Variants in KAT7 observed in about 807,000 individuals in gnomAD.
The protein encoded by KAT7 is lysine acetyltransferase 7, also known as histone acetyltransferase KAT7.
In KAT7, 10 loss-of-function variants were observed where a neutral mutation model predicts 82.1. The ratio of observed to expected loss-of-function variants is 0.12; its 90% CI spans 0.08 to 0.21. The LOEUF (loss-of-function observed/expected upper bound fraction) is 0.21, where lower values mean the gene tolerates loss of function less well. Ranked by LOEUF, KAT7 falls within the 10% of genes least tolerant of loss-of-function variation. The probability of loss-of-function intolerance (pLI) is 1.00; values close to 1 mark genes in which losing one functional copy is unlikely to be tolerated. For missense variants in KAT7, 378 were observed against 760.9 expected, an observed-to-expected ratio of 0.50 and a Z score of 5.92; for synonymous variants, 250 against 262.5, an observed-to-expected ratio of 0.95 and a Z score of 0.46.
chr17:49,826,697 C>A lies in KAT7; in HGVS notation c.1632C>A (p.Ile544=). The change falls in exon 14 of 15, where the codon ATC becomes ATA. Residue 544 remains isoleucine (I), a synonymous_variant. Transcript: ENST00000259021. ...FQGKEISIKE[I]SQETAVNPVD... is the part of the protein sequence containing the mutation. ...TCAGTACTTCTTCTGTTTCAGAAAT[C>A]AGTCAGGAGACGGCTGTGAATCCTG... 1 of 1,609,408 alleles carries A rather than the reference C, an allele frequency of 6.2e-7. No individual in the cohort carries two copies. The highest frequency in any genetic ancestry group is 1.1e-5 in the South Asian group (1 of 90,906).
At chr17:49,826,244 G>A in intron 13 of KAT7, 98 bp downstream of exon 13, 1 of 1,231,458 alleles carries the variant, frequency 8.1e-7, no homozygotes, top group Non-Finnish European at 1.2e-6. Context: ...AAGGCCCACT[G>A]AATATGGACC....
At position 49,829,970 on chromosome 17, in the gene KAT7, C is replaced by CG. The variant is rs2074409709; in HGVS notation, c.*2471dup. 11 of 151,748 alleles carry CG rather than the reference C, an allele frequency of 7.2e-5. No individual in the cohort carries two copies. The highest frequency in any genetic ancestry group is 6.6e-4 in the Admixed American group (10 of 15,222). 9.4% of individuals were successfully genotyped at this position (151,748 alleles called of 1,614,324 possible). The stretch of plus-strand genomic sequence containing the variant: ...GTTTTGGCTCACAACCTCTGCCTCC[C>CG]GGGTTCAAGTGATTCTTCTGTCTCA... On this transcript the variant is annotated 3_prime_UTR_variant, in exon 15 of 15. Coordinates refer to ENST00000259021, the MANE Select transcript of KAT7 (RefSeq NM_007067.5).
chr17:49,814,333 C>T (rs1214887431), intron 7 of KAT7, among the ~76,000 whole-genome samples: 1 of 152,162 alleles, frequency 6.6e-6, no homozygotes, highest in East Asian at 1.9e-4. Flanking sequence ...ACAGTGAGGG[C>T]TTTAGTAGTG....
chr17:49,831,348 A>G lies in KAT7; in HGVS notation c.*3846A>G, dbSNP rs2074423416. On this transcript the variant is annotated 3_prime_UTR_variant, in exon 15 of 15. Coordinates refer to ENST00000259021, the MANE Select transcript of KAT7 (RefSeq NM_007067.5). Reference sequence around the variant, plus strand: ...CAAGTTTAGGGGGCTACAGAGCTAAACCAGGAAGCAAAAGATGTGCCTCAT... The same window carrying G: ...CAAGTTTAGGGGGCTACAGAGCTAAGCCAGGAAGCAAAAGATGTGCCTCAT... The G allele has an allele frequency of 6.6e-6, 1 of 152,220 alleles. No individual in the cohort carries two copies. Among genetic ancestry groups the G allele is most frequent in the Non-Finnish European group, 1.5e-5 (1 of 68,050 alleles). The allele number at this position is 152,220 out of a possible 1,614,324, so 9.4% of individuals were successfully genotyped here. A position where few individuals can be genotyped will look rare whatever the true frequency, so the allele number is the denominator to read the frequency against.
rs1190636655 is a variant in KAT7 at position 49,828,660 on chromosome 17, C to A, written c.*1158C>A. 1 of 152,668 alleles carries A rather than the reference C, an allele frequency of 6.6e-6. No individual in the cohort carries two copies. The highest frequency in any genetic ancestry group is 1.5e-5 in the Non-Finnish European group (1 of 68,052). The allele number at this position is 152,668 out of a possible 1,614,324, so 9.5% of individuals were successfully genotyped here. Reference sequence around the variant, plus strand: ...TGGGATTTGTCACCATCCTTCTATTCTCTGGTCTTCTATTTTTGGTGTTGT... The same window carrying A: ...TGGGATTTGTCACCATCCTTCTATTATCTGGTCTTCTATTTTTGGTGTTGT... On this transcript the variant is annotated 3_prime_UTR_variant, in exon 15 of 15. Coordinates refer to ENST00000259021, the MANE Select transcript of KAT7 (RefSeq NM_007067.5).
chr17:49,814,393 C>G (rs1217900216), intron 7 of KAT7, among the ~76,000 whole-genome samples: 2 of 152,140 alleles, frequency 1.3e-5, no homozygotes, highest in Non-Finnish European at 2.9e-5. Context: ...TTCACTGTTT[C>G]CATCTGCAAA....
At chr17:49,791,793 T>G in intron 1 of KAT7, 93 bp from the exon 2 acceptor site, 2 of 1,288,252 alleles carry the variant, frequency 1.6e-6, no homozygotes, top group South Asian at 1.3e-5. Context: ...GAACTTGGGG[T>G]TTTCAGTGTC....
At chr17:49,813,687 C>A (rs989573304) in intron 7 of KAT7, among the ~76,000 whole-genome samples, 1 of 152,164 alleles carries the variant, frequency 6.6e-6, no homozygotes, top group Non-Finnish European at 1.5e-5. Context: ...ATGGCATTGA[C>A]ATCACATTAT....
chr17:49,801,053 G>A (rs2074018312), intron 4 of KAT7, among the ~76,000 whole-genome samples: 1 of 152,204 alleles, frequency 6.6e-6, no homozygotes, highest in African/African-American at 2.4e-5. Flanking sequence ...AGAATGACCA[G>A]AACGGAGAGG....
intron 4 of KAT7, 81 bp from the exon 5 acceptor site, chr17:49,805,282 A>G (rs2074077336): frequency 3.2e-6 from 3 of 947,380 alleles, no homozygotes; most frequent in Non-Finnish European, 5.1e-6. Context: ...ATGTAGCAAA[A>G]AAACAGGTTT....
At chr17:49,800,674 T>A (rs1269906981) in intron 4 of KAT7, among the ~76,000 whole-genome samples, 1 of 152,160 alleles carries the variant, frequency 6.6e-6, no homozygotes, top group East Asian at 1.9e-4. Flanking sequence ...AGATACTGTT[T>A]TAAGTTATGA....
intron 7 of KAT7, among the ~76,000 whole-genome samples, chr17:49,814,150 C>T (rs1472431186): frequency 6.6e-6 from 1 of 152,154 alleles, no homozygotes; most frequent in Non-Finnish European, 1.5e-5. Context: ...CTTCGGCCTC[C>T]CAAGGTGCTA....
chr17:49,834,233 G>C lies in KAT7; in HGVS notation c.*6731G>C, dbSNP rs928520106. The C allele has an allele frequency of 1.3e-5, 2 of 152,202 alleles. No individual in the cohort carries two copies. The highest frequency in any genetic ancestry group is 4.8e-5 in the African/African-American group (2 of 41,442). 9.4% of individuals were successfully genotyped at this position (152,202 alleles called of 1,614,324 possible). Reference sequence around the variant, plus strand: ...TACGATCACGGCTCACTGCTGCGTCGCCTTCCCAGGCTCCAGCTATCCTCC... The same window carrying C: ...TACGATCACGGCTCACTGCTGCGTCCCCTTCCCAGGCTCCAGCTATCCTCC... On this transcript the variant is annotated 3_prime_UTR_variant, in exon 15 of 15. Transcript: ENST00000259021.
intron 7 of KAT7, 66 bp from the exon 8 acceptor site, chr17:49,815,737 G>A (rs2074225597): frequency 4.2e-6 from 4 of 955,746 alleles, no homozygotes; most frequent in Non-Finnish European, 6.8e-6. Context: ...GGATTGAAAT[G>A]AAATAGATTA....
Position 49,823,928 on chromosome 17 carries a change from A to G in KAT7, c.1480+633A>G, listed in dbSNP as rs372518979. Reference sequence around the variant, plus strand: ...GGTTTTCGCCTTCTGTTGATTTTAAATGGCCCCTATGAGTAGTACTGATGT... The same window carrying G: ...GGTTTTCGCCTTCTGTTGATTTTAAGTGGCCCCTATGAGTAGTACTGATGT... On this transcript the variant is annotated intron_variant, in intron 12 of 14. Transcript: ENST00000259021. 3.9e-5 allele frequency among the ~76,000 whole-genome samples: 6 copies of G among 152,194 alleles called. No individual in the cohort carries two copies. In the East Asian group the frequency reaches 7.7e-4, roughly 20 times the overall value.
intron 4 of KAT7, among the ~76,000 whole-genome samples, chr17:49,804,184 C>A (rs573103627): frequency 6.6e-6 from 1 of 151,604 alleles, no homozygotes; most frequent in East Asian, 2.0e-4. Flanking sequence ...TCGAGACCAT[C>A]CTGGCTAACA....
intron 4 of KAT7, among the ~76,000 whole-genome samples, chr17:49,804,807 T>C (rs1158608977): frequency 6.6e-6 from 1 of 152,184 alleles, no homozygotes; most frequent in Admixed American, 6.5e-5. Context: ...ATCCTAAATC[T>C]TTAAGCAAAA....
intron 2 of KAT7, among the ~76,000 whole-genome samples, chr17:49,794,035 A>T (rs1363543759): frequency 6.6e-6 from 1 of 152,230 alleles, no homozygotes; most frequent in Non-Finnish European, 1.5e-5. Context: ...CTTAAGCTTT[A>T]AATTTTTACC....
At chr17:49,810,483 C>T (rs1018007369) in intron 6 of KAT7, among the ~76,000 whole-genome samples, 7 of 152,178 alleles carry the variant, frequency 4.6e-5, no homozygotes, top group African/African-American at 1.7e-4. Context: ...TCTTAAACTC[C>T]TGACCTCCAG....
Sources: allele counts gnomAD v4.1 joint callset (sites outside exome capture counted in the v4.1 genomes callset), GRCh38; gene constraint gnomAD v4.1.1; transcripts MANE v1.5; gene names NCBI Gene and HGNC (gene_info 2026-07-23, HGNC 2026-07-21).